The following SYCP2L variants were observed in gnomAD, a reference collection of about 807,000 sequenced individuals.
The protein encoded by SYCP2L is synaptonemal complex protein 2 like, also known as synaptonemal complex protein 2-like.
A neutral mutation model predicts 125.8 loss-of-function variants in SYCP2L; 98 were observed. That is an observed-to-expected ratio of 0.78 (90% CI 0.66 to 0.92). The LOEUF (loss-of-function observed/expected upper bound fraction) is 0.92. Ranked by LOEUF, SYCP2L falls within the 40% of genes least tolerant of loss-of-function variation. The pLI is 0.00. For synonymous variants in SYCP2L, 317 were observed against 325.4 expected (o/e 0.97, Z 0.28); for missense variants, 842 against 936.4 (o/e 0.90, Z 1.32).
rs374075383 is a variant in SYCP2L at position 10,894,080 on chromosome 6, C to T, written c.217-5C>T. On this transcript the variant is annotated splice_polypyrimidine_tract_variant and splice_region_variant and intron_variant, in intron 3 of 29. Coordinates refer to ENST00000283141, the MANE Select transcript of SYCP2L (RefSeq NM_001040274.3). ...GTGTTTTAACTTAGTGTGGTTTATA[C>T]CTAGGAACTAGATAAAAATGAATTT... The T allele has an allele frequency of 1.9e-6, 3 of 1,610,812 alleles. No individual in the cohort carries two copies. The highest frequency in any genetic ancestry group is 1.3e-5 in the African/African-American group (1 of 74,808).
Position 10,898,015 on chromosome 6 carries a change from T to C in SYCP2L, c.341T>C (p.Val114Ala), listed in dbSNP as rs757294779. The change falls in exon 5 of 30, where the codon GTT becomes GCT. Residue 114 changes from valine (V) to alanine (A), a missense_variant. Val to Ala is a moderately conservative substitution (Grantham distance 64). Coordinates refer to ENST00000283141, the MANE Select transcript of SYCP2L (RefSeq NM_001040274.3). ...CGTTAGTGTCCTCCTGTGTACCTAGTTTCCTGGTTTGAAAGAACAACAGGA... is the reference window on the plus strand; with the variant it reads ...CGTTAGTGTCCTCCTGTGTACCTAGCTTCCTGGTTTGAAAGAACAACAGGA... Reference protein sequence around the residue: ...LIRQGLIPKLVSWFERTTGIL... With the variant: ...LIRQGLIPKLASWFERTTGIL... The C allele has an allele frequency of 3.2e-5, 51 of 1,612,458 alleles. No homozygotes were observed. Among genetic ancestry groups the C allele is most frequent in the Non-Finnish European group, 4.2e-5 (49 of 1,178,578 alleles).
intron 21 of SYCP2L, among the ~76,000 whole-genome samples, chr6:10,940,881 G>T (rs1236058681): frequency 6.6e-6 from 1 of 152,138 alleles, no homozygotes; most frequent in Non-Finnish European, 1.5e-5. Flanking sequence ...AGGGAGAGAA[G>T]AATCACAAGA....
chr6:10,955,090 A>G (rs1278054168), intron 23 of SYCP2L, 26 bp from the exon 24 acceptor site: 1 of 1,529,210 alleles, frequency 6.5e-7, no homozygotes, highest in Admixed American at 1.7e-5. Context: ...TCGGGTCAAA[A>G]GGAAATGTGC....
chr6:10,948,195 G>A (rs6921549), intron 23 of SYCP2L, among the ~76,000 whole-genome samples: 2,550 of 152,036 alleles, frequency 0.017, 69 homozygotes, highest in African/African-American at 0.059. Context: ...GTGTGTATGC[G>A]TGTGTTAATA....
chr6:10,948,037 C>T (rs1479588058), intron 23 of SYCP2L, among the ~76,000 whole-genome samples: 1 of 151,848 alleles, frequency 6.6e-6, no homozygotes, highest in Admixed American at 6.6e-5. Flanking sequence ...TTCTTTTTTT[C>T]CCTCCAGCTT....
chr6:10,906,767 T>A (rs149872705), intron 9 of SYCP2L, among the ~76,000 whole-genome samples: 3,172 of 151,846 alleles, frequency 0.021, 107 homozygotes, highest in African/African-American at 0.072. Context: ...CTGGCTAATT[T>A]TTGTATTTTT....
In SYCP2L at chr6:10,912,037, G is replaced by C. The variant is rs577745973; in HGVS notation, c.919-636G>C. Among the ~76,000 whole-genome samples, 52 of 150,346 alleles carry C rather than the reference G, an allele frequency of 3.5e-4. No homozygotes were observed. The highest frequency in any genetic ancestry group is 3.4e-3 in the Middle Eastern group (1 of 294). On this transcript the variant is annotated intron_variant, in intron 12 of 29. Coordinates refer to ENST00000283141, the MANE Select transcript of SYCP2L (RefSeq NM_001040274.3). The surrounding 1 kb of genome is among the most constrained non-coding windows in gnomAD (Gnocchi z 4.1). Reference sequence around the variant, plus strand: ...CTGCCTCAGCCTCCCGAGTATACTTGTTGATACATGTCTAGAAAACATCTG... The same window carrying C: ...CTGCCTCAGCCTCCCGAGTATACTTCTTGATACATGTCTAGAAAACATCTG...
At chr6:10,941,555 C>T (rs1322802788) in intron 21 of SYCP2L, among the ~76,000 whole-genome samples, 5 of 152,196 alleles carry the variant, frequency 3.3e-5, no homozygotes, top group Non-Finnish European at 5.9e-5. Context: ...AAAATGCTCA[C>T]CATCACTGGC....
intron 2 of SYCP2L, among the ~76,000 whole-genome samples, 182 bp downstream of exon 2, chr6:10,891,763 TTA>T (rs1780179303): frequency 1.0e-4 from 1 of 9,740 alleles, no homozygotes; most frequent in South Asian, 0.1. Flanking sequence ...AGAGAAATCT[TTA>T]CTTCTCCTTC....
intron 21 of SYCP2L, among the ~76,000 whole-genome samples, chr6:10,938,387 A>G (rs1225735): frequency 0.98 from 149,364 of 152,278 alleles, 73,289 homozygotes; most frequent in East Asian, 1. Context: ...CAACAAATTA[A>G]GTACATATAG....
At chr6:10,923,671 CTTTTTCTTTTTCT>C (rs1269907894) in intron 14 of SYCP2L, among the ~76,000 whole-genome samples, 2 of 34,430 alleles carry the variant, frequency 5.8e-5, no homozygotes, top group African/African-American at 1.7e-4. Context: ...AGACTTCTTT[CTTTTTCTTTTTCT>C]TTTTTTTTTT....
In SYCP2L at chr6:10,955,096, T is replaced by A. The variant is rs766483129; in HGVS notation, c.1955-20T>A. On this transcript the variant is annotated intron_variant, in intron 23 of 29. Coordinates refer to ENST00000283141, the MANE Select transcript of SYCP2L (RefSeq NM_001040274.3). ...AAGATAATTTCGGGTCAAAAGGAAA[T>A]GTGCTCTGTTTGCCTGTAGACATAC... The A allele has an allele frequency of 4.5e-6, 7 of 1,550,020 alleles. No individual in the cohort carries two copies. The highest frequency in any genetic ancestry group is 6.2e-6 in the Non-Finnish European group (7 of 1,123,286).
At position 10,924,713 on chromosome 6, in the gene SYCP2L, T is replaced by C. The variant is rs144839966; in HGVS notation, c.1218+72T>C. 904 of 1,280,868 alleles carry C rather than the reference T, an allele frequency of 7.1e-4. 3 individuals are homozygous for C. The African/African-American group carries it at 0.012, about 17-fold the overall frequency. 79.3% of individuals were successfully genotyped at this position (1,280,868 alleles called of 1,614,324 possible). On this transcript the variant is annotated intron_variant, in intron 15 of 29. Transcript: ENST00000283141. ...TTTCATGTCTATTAAATGTCCTTGT[T>C]GGGTTTTGATGTGAATATTTGATAA... is the stretch of plus-strand genomic sequence containing the variant.
At chr6:10,922,124 A>G (rs1780809887) in intron 14 of SYCP2L, among the ~76,000 whole-genome samples, 1 of 152,202 alleles carries the variant, frequency 6.6e-6, no homozygotes, top group South Asian at 2.1e-4. Flanking sequence ...TATTTTCTTT[A>G]AGAATGTGGG....
chr6:10,893,936 A>G lies in SYCP2L; in HGVS notation c.148A>G (p.Lys50Glu). The part of the protein sequence containing the change: ...FQKIKEYFQQ[K>E]ESHFPQKYNR... ...GAAAATAAAAGAATACTTTCAACAG[A>G]AAGAGAGCCACTTTCCTCAAAAATA... The change falls in exon 3 of 30, where the codon AAA becomes GAA. Residue 50 changes from lysine (K) to glutamate (E), a missense_variant. Transcript: ENST00000283141. 6.2e-7 allele frequency: 1 copy of G among 1,612,938 alleles called. No individual in the cohort carries two copies. Among genetic ancestry groups the G allele is most frequent in the Non-Finnish European group, 8.5e-7 (1 of 1,179,674 alleles).
intron 6 of SYCP2L, among the ~76,000 whole-genome samples, chr6:10,899,907 G>C (rs1373285796): frequency 6.6e-6 from 1 of 152,170 alleles, no homozygotes; most frequent in African/African-American, 2.4e-5. Flanking sequence ...AAAATGCACA[G>C]TGGTAAACTA....
intron 28 of SYCP2L, 149 bp from the exon 29 acceptor site, chr6:10,963,633 T>TA (rs750146918): frequency 2.8e-6 from 2 of 704,388 alleles, no homozygotes; most frequent in Non-Finnish European, 4.7e-6. Flanking sequence ...GTTAATCTCT[T>TA]ACGTTAATAT....
chr6:10,929,118 C>T (rs1187560860), intron 18 of SYCP2L, among the ~76,000 whole-genome samples: 1 of 152,008 alleles, frequency 6.6e-6, no homozygotes, highest in Non-Finnish European at 1.5e-5. Context: ...TCTCAAACTC[C>T]TGACCTCAGG....
chr6:10,958,340 A>C (rs1482999689), intron 25 of SYCP2L, among the ~76,000 whole-genome samples: 4 of 151,848 alleles, frequency 2.6e-5, no homozygotes, highest in African/African-American at 9.7e-5. Flanking sequence ...GCCAAGGGGG[A>C]GCAGGCGTGT....
Sources: gnomAD v4.1 joint callset for allele counts (sites outside exome capture counted in the v4.1 genomes callset) on GRCh38, gnomAD v4.1.1 for gene constraint, Gnocchi (gnomAD v3.1) non-coding constraint, MANE v1.5 for transcripts, NCBI Gene and HGNC (gene_info 2026-07-23, HGNC 2026-07-21) for gene names.